Variants in TBCE observed in about 807,000 individuals in gnomAD.
TBCE encodes tubulin folding cofactor E.
In TBCE, 53 loss-of-function variants were observed where a neutral mutation model predicts 77.0. The observed-to-expected ratio is 0.69, with a 90% confidence interval of 0.55 to 0.87. The LOEUF (loss-of-function observed/expected upper bound fraction) is 0.87, where lower values mean the gene tolerates loss of function less well. Among genes scored for constraint, TBCE ranks in the 40% least tolerant of loss-of-function variants. The pLI, the probability that TBCE is intolerant of heterozygous loss-of-function variation, is 0.00. For synonymous variants in TBCE, 235 were observed against 241.3 expected (o/e 0.97, Z 0.24); for missense variants, 624 against 622.4 (o/e 1.00, Z -0.03).
chr1:235,389,909 A>C (rs1001231419), intron 2 of TBCE, among the ~76,000 whole-genome samples: 1 of 152,068 alleles, frequency 6.6e-6, no homozygotes, highest in African/African-American at 2.4e-5. Context: ...GATCACTTGA[A>C]GTCAGGAGTT....
At chr1:235,430,129 A>G (rs1436452598) in intron 6 of TBCE, 1 of 155,186 alleles carries the variant, frequency 6.4e-6, no homozygotes, top group African/African-American at 2.4e-5. Context: ...AACGGGGGCA[A>G]TTCAACCCAT....
At chr1:235,393,522 A>G (rs1327603773) in intron 2 of TBCE, among the ~76,000 whole-genome samples, 1 of 152,206 alleles carries the variant, frequency 6.6e-6, no homozygotes, top group Non-Finnish European at 1.5e-5. Flanking sequence ...TGGGTGACAG[A>G]GTGAGACTGT....
At position 235,449,209 on chromosome 1, in the gene TBCE, C is replaced by G. The variant is rs1161367232; in HGVS notation, c.*447C>G. 7 of 224,000 alleles carry G rather than the reference C, an allele frequency of 3.1e-5. No homozygotes were observed. Among genetic ancestry groups the G allele is most frequent in the Non-Finnish European group, 6.3e-5 (7 of 111,780 alleles). The allele number at this position is 224,000 out of a possible 1,614,324, so 13.9% of individuals were successfully genotyped here. On this transcript the variant is annotated 3_prime_UTR_variant, in exon 17 of 17. Transcript: ENST00000642610. ...CTTAAACTTGGGGAGACATCCTCTA[C>G]TATGTATAACAATATGCTATTATCT... is the stretch of plus-strand genomic sequence containing the variant.
chr1:235,403,523 T>C (rs558306670), intron 3 of TBCE, among the ~76,000 whole-genome samples: 8 of 152,292 alleles, frequency 5.3e-5, no homozygotes, highest in Admixed American at 2.0e-4. Context: ...GGACTTTTTA[T>C]TTGGAACTTA....
chr1:235,379,505 G>A (rs779193853), intron 1 of TBCE, among the ~76,000 whole-genome samples: 5 of 152,028 alleles, frequency 3.3e-5, no homozygotes, highest in Non-Finnish European at 7.4e-5. Flanking sequence ...TCCAGCCTGG[G>A]CAACAGAGTG....
At position 235,435,819 on chromosome 1, in the gene TBCE, A is replaced by G. The variant is rs748549375; in HGVS notation, c.812A>G (p.Tyr271Cys). 14 of 1,614,196 alleles carry G rather than the reference A, an allele frequency of 8.7e-6. No individual in the cohort carries two copies. In the Admixed American group the frequency reaches 2.3e-4, roughly 27 times the overall value. Residue 271 changes from tyrosine to cysteine, a missense_variant, in exon 9 of 17, where the codon TAT becomes TGT. Transcript: ENST00000642610. Reference sequence around the variant, plus strand: ...CAATTAATTGATGAAAATCAGCTGTATCTGATAGCCCACCTGCCCAGGTAA... The same window carrying G: ...CAATTAATTGATGAAAATCAGCTGTGTCTGATAGCCCACCTGCCCAGGTAA... ...SNQLIDENQL[Y>C]LIAHLPRLEQ... is the part of the protein sequence containing the mutation.
chr1:235,391,480 C>CA lies in TBCE; in HGVS notation c.101-10011dup, dbSNP rs753944212. Among the ~76,000 whole-genome samples, 955 of 101,364 alleles carry CA rather than the reference C, an allele frequency of 9.4e-3. 7 individuals carry two copies. The highest frequency in any genetic ancestry group is 0.013 in the Non-Finnish European group (642 of 49,114). The allele number at this position is 101,364 out of a possible 152,430, so 66.5% of individuals were successfully genotyped here. The stretch of plus-strand genomic sequence containing the variant: ...AGCCTGGGCCACAAAGACTCCATCT[C>CA]AAAAAAAAAAAAGCGTAGACAAAGA... On this transcript the variant is annotated intron_variant, in intron 2 of 16. Coordinates refer to ENST00000642610, the MANE Select transcript of TBCE (RefSeq NM_003193.5).
intron 2 of TBCE, among the ~76,000 whole-genome samples, chr1:235,385,461 T>C (rs1411164886): frequency 6.6e-6 from 1 of 152,018 alleles, no homozygotes; most frequent in Non-Finnish European, 1.5e-5. Context: ...TAAGTCTCTT[T>C]GTAGGTCACT....
chr1:235,403,093 T>C (rs1314652505), intron 3 of TBCE, among the ~76,000 whole-genome samples: 1 of 152,222 alleles, frequency 6.6e-6, no homozygotes, highest in Non-Finnish European at 1.5e-5. Flanking sequence ...AGACTTGCCA[T>C]CTCTGAATTT....
intron 2 of TBCE, among the ~76,000 whole-genome samples, chr1:235,397,484 A>G (rs1453398433): frequency 6.6e-6 from 1 of 152,182 alleles, no homozygotes; most frequent in Non-Finnish European, 1.5e-5. Context: ...AAGTGCTGGG[A>G]TTACAGGCGT....
chr1:235,437,260 A>G, intron 11 of TBCE, 62 bp from the exon 12 acceptor site: 2 of 1,610,982 alleles, frequency 1.2e-6, no homozygotes, highest in Non-Finnish European at 1.7e-6. Context: ...TGCTGGTTCA[A>G]ACTTCTGCAA....
At chr1:235,389,056 G>A (rs1213854977) in intron 2 of TBCE, among the ~76,000 whole-genome samples, 1 of 152,148 alleles carries the variant, frequency 6.6e-6, no homozygotes, top group African/African-American at 2.4e-5. Context: ...AGACAGTTGA[G>A]GGCTATTTAC....
chr1:235,439,731 A>G (rs932078980), intron 13 of TBCE, among the ~76,000 whole-genome samples: 35 of 150,626 alleles, frequency 2.3e-4, no homozygotes, highest in South Asian at 4.2e-4. Context: ...CAAGTGATCC[A>G]CCCGCCTCGG....
intron 8 of TBCE, 36 bp from the exon 9 acceptor site, chr1:235,435,709 T>C (rs561619540): frequency 3.2e-6 from 5 of 1,570,594 alleles, no homozygotes; most frequent in Non-Finnish European, 4.4e-6. Flanking sequence ...AATTAAGAGA[T>C]AAATTCACGG....
At chr1:235,380,811 G>A (rs1268834821) in intron 2 of TBCE, among the ~76,000 whole-genome samples, 3 of 152,112 alleles carry the variant, frequency 2.0e-5, no homozygotes, top group Non-Finnish European at 4.4e-5. Flanking sequence ...TTGAGACAGA[G>A]TTTCGCTCTT....
intron 2 of TBCE, among the ~76,000 whole-genome samples, chr1:235,382,798 G>A (rs1306027558): frequency 1.4e-5 from 2 of 147,388 alleles, no homozygotes; most frequent in Non-Finnish European, 3.0e-5. Flanking sequence ...TTCTTTTGCT[G>A]TGCAGAAGCT....
At chr1:235,421,346 T>C (rs941116024) in intron 5 of TBCE, among the ~76,000 whole-genome samples, 1 of 151,926 alleles carries the variant, frequency 6.6e-6, no homozygotes, top group Admixed American at 6.6e-5. Context: ...GCCCAGGAGT[T>C]TGAGGCTGTG....
Position 235,414,459 on chromosome 1 carries a change from G to A in TBCE, c.212G>A (p.Arg71His), listed in dbSNP as rs775857834. ...CACCCGACAGGAGGATCCTTTATTCGTCCGAACAAGGTAAATTTTGGAACA... is the reference window on the plus strand; with the variant it reads ...CACCCGACAGGAGGATCCTTTATTCATCCGAACAAGGTAAATTTTGGAACA... The part of the protein sequence containing the change: ...CRHPTGGSFI[R>H]PNKVNFGTDF... The change falls in exon 4 of 17, where the codon CGT (arginine) becomes CAT (histidine). Residue 71 changes from arginine to histidine, a missense_variant. Transcript: ENST00000642610. 4.8e-5 allele frequency: 77 copies of A among 1,613,178 alleles called. No homozygotes were observed. Among genetic ancestry groups the A allele is most frequent in the Non-Finnish European group, 4.5e-5 (53 of 1,179,924 alleles).
intron 3 of TBCE, among the ~76,000 whole-genome samples, chr1:235,412,918 C>T (rs1168331375): frequency 6.6e-6 from 1 of 152,178 alleles, no homozygotes; most frequent in East Asian, 1.9e-4. Flanking sequence ...ATTCTCCTGC[C>T]TCAGCCTCCC....
Sources: gnomAD v4.1 joint callset for allele counts (sites outside exome capture counted in the v4.1 genomes callset) on GRCh38, gnomAD v4.1.1 for gene constraint, MANE v1.5 for transcripts, NCBI Gene and HGNC (gene_info 2026-07-23, HGNC 2026-07-21) for gene names.